Variants in NPAS2 observed in about 807,000 individuals in gnomAD.
The protein encoded by NPAS2 is neuronal PAS domain protein 2.
NPAS2 carries 23 observed loss-of-function variants against 107.5 expected under a neutral mutation model. That is an observed-to-expected ratio of 0.21 (90% CI 0.15 to 0.30). The LOEUF (loss-of-function observed/expected upper bound fraction) is 0.30, where lower values mean the gene tolerates loss of function less well. Among genes scored for constraint, NPAS2 ranks in the 10% least tolerant of loss-of-function variants. The pLI is 1.00. For missense variants in NPAS2, 756 were observed against 1,043.3 expected (o/e 0.72, Z 3.79); for synonymous variants, 403 against 417.5 (o/e 0.97, Z 0.42).
At chr2:100,923,505 T>A (rs1030973205) in intron 2 of NPAS2, among the ~76,000 whole-genome samples, 14 of 152,306 alleles carry the variant, frequency 9.2e-5, no homozygotes, top group Admixed American at 2.0e-4. Context: ...AAGGGCTGTT[T>A]ATTGATACTG....
At chr2:100,956,885 C>A (rs192623625) in intron 7 of NPAS2, among the ~76,000 whole-genome samples, 1 of 152,320 alleles carries the variant, frequency 6.6e-6, no homozygotes, top group Admixed American at 6.5e-5. Context: ...AAGGGAGGAA[C>A]AAAGCCCCTT....
intron 6 of NPAS2, 52 bp from the exon 7 acceptor site, chr2:100,949,315 C>G: frequency 9.9e-7 from 1 of 1,005,764 alleles, no homozygotes; most frequent in Non-Finnish European, 1.6e-6. Flanking sequence ...TGTTTAGAGT[C>G]TGTGCAATGC....
In NPAS2 at chr2:100,868,101, C is replaced by G. The variant is rs143073121; in HGVS notation, c.-22-36632C>G. 9.6e-4 allele frequency among the ~76,000 whole-genome samples: 146 copies of G among 152,326 alleles called. 1 individual carries two copies. Among genetic ancestry groups the G allele is most frequent in the South Asian group, 1.9e-3 (9 of 4,828 alleles). ...CTATGAAGCACACTATATTTCCTCA[C>G]TTTTTTGTCTTGCCTCTCAAAATTC... On this transcript the variant is annotated intron_variant, in intron 1 of 20. Transcript: ENST00000335681.
At chr2:100,967,966 T>G (rs982961220) in intron 10 of NPAS2, among the ~76,000 whole-genome samples, 31 of 152,322 alleles carry the variant, frequency 2.0e-4, no homozygotes, top group African/African-American at 6.7e-4. Context: ...GGCGGGAGGA[T>G]GAGCACCAGG....
chr2:100,939,046 C>T (rs957269674), intron 5 of NPAS2, among the ~76,000 whole-genome samples: 35 of 152,164 alleles, frequency 2.3e-4, no homozygotes, highest in Non-Finnish European at 1.0e-4. Flanking sequence ...CAGGGAACAG[C>T]GTGGCCTTGT....
At chr2:100,898,801 C>T (rs968827556) in intron 1 of NPAS2, among the ~76,000 whole-genome samples, 6 of 127,546 alleles carry the variant, frequency 4.7e-5, no homozygotes, top group Non-Finnish European at 1.0e-4. Context: ...AAAAAAAAAA[C>T]AAACCTGAAA....
At chr2:100,827,818 G>A (rs114875080) in intron 1 of NPAS2, among the ~76,000 whole-genome samples, 1,684 of 152,270 alleles carry the variant, frequency 0.011, 33 homozygotes, top group African/African-American at 0.039. Context: ...TCCATGTCCA[G>A]TAGACATGGA....
chr2:100,954,877 GT>G (rs59048263), intron 7 of NPAS2, among the ~76,000 whole-genome samples: 43,292 of 146,720 alleles, frequency 0.3, 6,829 homozygotes, highest in East Asian at 0.54. Context: ...TGTTTTTTTT[GT>G]TTTTTTTTGG....
chr2:100,990,678 C>T (rs1379190351), intron 18 of NPAS2, 102 bp from the exon 19 acceptor site: 3 of 1,176,088 alleles, frequency 2.6e-6, no homozygotes, highest in Non-Finnish European at 3.8e-6. Context: ...GGATTAGAGT[C>T]AACCATAAAG....
intron 1 of NPAS2, among the ~76,000 whole-genome samples, chr2:100,860,848 T>A (rs1678894407): frequency 6.6e-6 from 1 of 152,112 alleles, no homozygotes; most frequent in African/African-American, 2.4e-5. Context: ...CCCACTGGAC[T>A]TAGCATGGTT....
At chr2:100,857,239 A>G (rs1678632929) in intron 1 of NPAS2, among the ~76,000 whole-genome samples, 1 of 150,444 alleles carries the variant, frequency 6.6e-6, no homozygotes, top group East Asian at 2.0e-4. Context: ...CGGAGGTTGC[A>G]GTGAGCCGAG....
At chr2:100,924,831 C>T (rs1173627424) in intron 2 of NPAS2, among the ~76,000 whole-genome samples, 1 of 152,186 alleles carries the variant, frequency 6.6e-6, no homozygotes, top group Non-Finnish European at 1.5e-5. Flanking sequence ...AGCAGTGTGT[C>T]CTTTGCTCTC....
At chr2:100,957,941 C>A (rs1242760171) in intron 7 of NPAS2, among the ~76,000 whole-genome samples, 1 of 152,076 alleles carries the variant, frequency 6.6e-6, no homozygotes, top group Non-Finnish European at 1.5e-5. Flanking sequence ...AAAAAAAGGT[C>A]TTTGCTTTAC....
rs372688221 is a variant in NPAS2, at chr2:100,845,542, A to G, written c.-23+25128A>G. Among the ~76,000 whole-genome samples, 5 of 152,198 alleles carry G rather than the reference A, an allele frequency of 3.3e-5. No homozygotes were observed. In the East Asian group the frequency reaches 7.7e-4, roughly 23 times the overall value. ...GCCACCCAGCCAGGCAGCTGACTAC[A>G]TGCACTCAGGCACCCAGGCTGCTCT... is the stretch of plus-strand genomic sequence containing the variant. On this transcript the variant is annotated intron_variant, in intron 1 of 20. Coordinates refer to ENST00000335681, the MANE Select transcript of NPAS2 (RefSeq NM_002518.4).
chr2:100,882,891 G>A (rs747248492), intron 1 of NPAS2, among the ~76,000 whole-genome samples: 16 of 152,228 alleles, frequency 1.1e-4, no homozygotes, highest in Middle Eastern at 3.4e-3. Flanking sequence ...GTTCCTCCTC[G>A]GCTGGGCTAG....
In NPAS2 at chr2:100,993,476, G is replaced by A. The variant is rs200503323; in HGVS notation, c.2241G>A (p.Ser747=). ...CCAGCTTCCCTGCCTCCCAACCATC[G>A]CCCCTGCAGCCTGCACAGGCCCGGC... The part of the protein sequence containing the change: ...LHPSFPASQP[S]PLQPAQARQQ... Residue 747 remains serine (S), a synonymous_variant, in exon 20 of 21, where the codon TCG becomes TCA. Transcript: ENST00000335681. 9.6e-5 allele frequency: 154 copies of A among 1,608,274 alleles called. No individual in the cohort carries two copies. The African/African-American group carries it at 1.2e-3, about 13-fold the overall frequency.
intron 1 of NPAS2, among the ~76,000 whole-genome samples, chr2:100,871,331 T>G (rs1340833789): frequency 6.9e-5 from 1 of 14,566 alleles, no homozygotes; most frequent in Admixed American, 5.1e-4. Context: ...TCTTCCTTGT[T>G]TTTTTTTTTT....
intron 1 of NPAS2, among the ~76,000 whole-genome samples, chr2:100,885,876 G>C (rs79842548): frequency 0.067 from 10,140 of 152,130 alleles, 752 homozygotes; most frequent in East Asian, 0.35. Flanking sequence ...GGCCAGGCTG[G>C]CCTCAAACTC....
chr2:100,970,328 G>A (rs541960015), intron 11 of NPAS2, among the ~76,000 whole-genome samples: 45 of 152,338 alleles, frequency 3.0e-4, no homozygotes, highest in Non-Finnish European at 5.4e-4. Context: ...GAGAAAGGAG[G>A]AAGAGAACAG....
Sources: gnomAD v4.1 joint callset for allele counts (sites outside exome capture counted in the v4.1 genomes callset) on GRCh38, gnomAD v4.1.1 for gene constraint, MANE v1.5 for transcripts, NCBI Gene and HGNC (gene_info 2026-07-23, HGNC 2026-07-21) for gene names.